The following SP4 variants were observed in gnomAD, a reference collection of about 807,000 sequenced individuals.
The protein encoded by SP4 is Sp4 transcription factor.
A neutral mutation model predicts 72.8 loss-of-function variants in SP4; 19 were observed. That is an observed-to-expected ratio of 0.26 (90% CI 0.18 to 0.38). The LOEUF (loss-of-function observed/expected upper bound fraction) is 0.38. Ranked by LOEUF, SP4 falls within the 10% of genes least tolerant of loss-of-function variation. The pLI is 1.00. For missense variants in SP4, 1,008 were observed against 926.3 expected (o/e 1.09, Z -1.14); for synonymous variants, 395 against 333.1 (o/e 1.19, Z -2.02).
chr7:21,499,773 A>G (rs1373936542), intron 5 of SP4, among the ~76,000 whole-genome samples: 4 of 152,226 alleles, frequency 2.6e-5, no homozygotes, highest in Admixed American at 6.5e-5. Flanking sequence ...TTATCAAATG[A>G]CAAACTTAGA....
intron 5 of SP4, among the ~76,000 whole-genome samples, chr7:21,488,075 G>A (rs1229408320): frequency 1.3e-5 from 2 of 151,986 alleles, no homozygotes; most frequent in African/African-American, 4.8e-5. Context: ...GTGTTGCCCA[G>A]GCTGGTGTTG....
At chr7:21,506,382 G>A (rs79947480) in intron 5 of SP4, among the ~76,000 whole-genome samples, 1 of 152,122 alleles carries the variant, frequency 6.6e-6, no homozygotes, top group Non-Finnish European at 1.5e-5. Flanking sequence ...GTCATGAGGG[G>A]TATCACCTTT....
At chr7:21,433,333 T>A (rs1386313684) in intron 3 of SP4, among the ~76,000 whole-genome samples, 1 of 152,154 alleles carries the variant, frequency 6.6e-6, no homozygotes, top group East Asian at 1.9e-4. Context: ...AACCAAAGAT[T>A]TAAAATTTTG....
rs1474448179 is a variant in SP4 at position 21,430,651 on chromosome 7, A to G, written c.1486A>G (p.Ile496Val). ...QNAGLSQQLT[I>V]TPVSSSGGTT... ...TGCTGGGTTATCCCAACAATTAACC[A>G]TCACCCCAGTGTCTTCAAGTGGTGG... Residue 496 changes from isoleucine (I) to valine (V), a missense_variant, in exon 3 of 6, where the codon ATC becomes GTC. Transcript: ENST00000222584. 2 of 1,614,250 alleles carry G rather than the reference A, an allele frequency of 1.2e-6. No homozygotes were observed. Among genetic ancestry groups the G allele is most frequent in the East Asian group, 2.2e-5 (1 of 44,884 alleles).
At chr7:21,468,552 G>T (rs989922654) in intron 3 of SP4, among the ~76,000 whole-genome samples, 2 of 151,064 alleles carry the variant, frequency 1.3e-5, no homozygotes, top group Admixed American at 1.3e-4. Context: ...GTTTGTTGCT[G>T]ATATGGTTGG....
intron 3 of SP4, among the ~76,000 whole-genome samples, chr7:21,458,641 T>C (rs1312572098): frequency 6.6e-6 from 1 of 152,198 alleles, no homozygotes; most frequent in African/African-American, 2.4e-5. Flanking sequence ...ATAATTTTTT[T>C]AAATCCTCCT....
intron 3 of SP4, among the ~76,000 whole-genome samples, chr7:21,460,697 A>G (rs1783937124): frequency 1.3e-5 from 2 of 152,142 alleles, no homozygotes; most frequent in African/African-American, 4.8e-5. Context: ...CACGGTGCTG[A>G]TTGGTGCGTT....
At chr7:21,472,441 T>C (rs894949699) in intron 3 of SP4, among the ~76,000 whole-genome samples, 2 of 152,028 alleles carry the variant, frequency 1.3e-5, no homozygotes, top group African/African-American at 4.8e-5. Context: ...TACAGGCACA[T>C]GCCACCATGC....
intron 5 of SP4, among the ~76,000 whole-genome samples, chr7:21,498,733 A>G (rs546374253): frequency 6.6e-6 from 1 of 152,226 alleles, no homozygotes; most frequent in Non-Finnish European, 1.5e-5. Context: ...ATAGTCAATT[A>G]ACACGTATTT....
At chr7:21,487,209 C>T (rs1784838232) in intron 5 of SP4, among the ~76,000 whole-genome samples, 1 of 151,990 alleles carries the variant, frequency 6.6e-6, no homozygotes, top group Admixed American at 6.6e-5. Flanking sequence ...TTGAAGTGCC[C>T]CTGTTTTGTT....
chr7:21,451,335 A>G (rs1332031750), intron 3 of SP4, among the ~76,000 whole-genome samples: 1 of 152,060 alleles, frequency 6.6e-6, no homozygotes, highest in Non-Finnish European at 1.5e-5. Flanking sequence ...ACCAATTACT[A>G]TATTAGAGCG....
At chr7:21,494,240 G>A (rs1785051876) in intron 5 of SP4, among the ~76,000 whole-genome samples, 2 of 152,120 alleles carry the variant, frequency 1.3e-5, no homozygotes, top group African/African-American at 4.8e-5. Flanking sequence ...AAAGACATCT[G>A]ATTTTACCAT....
At chr7:21,463,115 G>C (rs1029351080) in intron 3 of SP4, among the ~76,000 whole-genome samples, 2 of 150,604 alleles carry the variant, frequency 1.3e-5, no homozygotes, top group African/African-American at 4.9e-5. Flanking sequence ...TCACCCAAGT[G>C]AAAGTGCTTC....
In SP4 at chr7:21,430,081, A is replaced by C. The variant is rs1782785035; in HGVS notation, c.916A>C (p.Asn306His). 6.2e-7 allele frequency: 1 copy of C among 1,614,212 alleles called. No individual in the cohort carries two copies. Among genetic ancestry groups the C allele is most frequent in the Non-Finnish European group, 8.5e-7 (1 of 1,180,044 alleles). ...GAATCAATTAGTTTCCACACCCACC[A>C]ACACCACTACTTCTGCCAGTACTAT... ...NGNQLVSTPTNTTTSASTMPE... is the reference protein window; with the variant it reads ...NGNQLVSTPTHTTTSASTMPE... Residue 306 changes from asparagine to histidine, a missense_variant, in exon 3 of 6, where the codon AAC (asparagine) becomes CAC (histidine). Physicochemically the swap from Asn to His is moderately conservative, Grantham distance 68. Around this residue, in one of 3 missense-constraint regions of SP4, gnomAD observed 893 missense variants for 743.3 expected, o/e 1.20. Transcript: ENST00000222584.
chr7:21,462,261 A>G (rs991850652), intron 3 of SP4, among the ~76,000 whole-genome samples: 2 of 152,062 alleles, frequency 1.3e-5, no homozygotes, highest in Non-Finnish European at 2.9e-5. Flanking sequence ...TAACAGACGT[A>G]GGAGAAATGG....
At chr7:21,471,337 A>G (rs547260913) in intron 3 of SP4, among the ~76,000 whole-genome samples, 7 of 152,322 alleles carry the variant, frequency 4.6e-5, no homozygotes, top group African/African-American at 1.4e-4. Flanking sequence ...AGCAATAGGT[A>G]TGGTGAAAAT....
At chr7:21,462,168 G>C (rs1160261197) in intron 3 of SP4, among the ~76,000 whole-genome samples, 1 of 151,952 alleles carries the variant, frequency 6.6e-6, no homozygotes, top group African/African-American at 2.4e-5. Context: ...TGGGACTACA[G>C]GTGTGCTGCC....
chr7:21,482,088 G>A lies in SP4; in HGVS notation c.2072G>A (p.Ser691Asn), dbSNP rs1784703690. Reference sequence around the variant, plus strand: ...TTTTGTGGCAAAAGATTCACACGGAGTGATGAGCTCCAGAGACATAGAAGA... The same window carrying A: ...TTTTGTGGCAAAAGATTCACACGGAATGATGAGCTCCAGAGACATAGAAGA... ...WMFCGKRFTRSDELQRHRRTH... is the reference protein window; with the variant it reads ...WMFCGKRFTRNDELQRHRRTH... The change falls in exon 5 of 6, where the codon AGT becomes AAT. Residue 691 changes from serine to asparagine, a missense_variant. By Grantham distance (46) the Ser-to-Asn change is conservative. Coordinates refer to ENST00000222584, the MANE Select transcript of SP4 (RefSeq NM_003112.5). The A allele has an allele frequency of 1.2e-6, 2 of 1,613,964 alleles. No homozygotes were observed. The highest frequency in any genetic ancestry group is 1.7e-6 in the Non-Finnish European group (2 of 1,179,940).
chr7:21,514,531 T>TA lies in SP4; in HGVS notation c.*3275dup, dbSNP rs67639352. 0.03 allele frequency: 4,331 copies of TA among 143,420 alleles called. 175 individuals are homozygous for TA. Among genetic ancestry groups the TA allele is most frequent in the African/African-American group, 0.09 (3,529 of 39,024 alleles). 8.9% of individuals were successfully genotyped at this position (143,420 alleles called of 1,614,324 possible). ...ACATTTCACTTGTAAATTTTTTTTG[T>TA]AAAAAAAAAAAAATGAAAAAAAAAG... On this transcript the variant is annotated 3_prime_UTR_variant, in exon 6 of 6. Coordinates refer to ENST00000222584, the MANE Select transcript of SP4 (RefSeq NM_003112.5).
Sources: gnomAD v4.1 joint callset for allele counts (sites outside exome capture counted in the v4.1 genomes callset) on GRCh38, gnomAD v4.1.1 for gene constraint, gnomAD v4.1.1 regional missense constraint, MANE v1.5 for transcripts, NCBI Gene and HGNC (gene_info 2026-07-23, HGNC 2026-07-21) for gene names.